Variants in EXTL3 observed in about 807,000 individuals in gnomAD.
EXTL3 encodes the protein exostosin-like 3.
In EXTL3, 27 loss-of-function variants were observed where a neutral mutation model predicts 69.3. The observed-to-expected ratio is 0.39, with a 90% CI of 0.29 to 0.54. The LOEUF (loss-of-function observed/expected upper bound fraction) is 0.54. EXTL3 is among the 20% of genes least tolerant of loss of function. The pLI is 0.69. For synonymous variants in EXTL3, 511 were observed against 499.4 expected (o/e 1.02, Z -0.31); for missense variants, 1,003 against 1,231.8 (o/e 0.81, Z 2.78).
chr8:28,610,238 T>TG (rs1491390272), intron 2 of EXTL3, among the ~76,000 whole-genome samples: 9 of 152,012 alleles, frequency 5.9e-5, no homozygotes, highest in South Asian at 2.1e-4. Flanking sequence ...TGTGTGTGTG[T>TG]TTGTGTATGC....
At chr8:28,679,106 A>G (rs970351615) in intron 1 of EXTL3, among the ~76,000 whole-genome samples, 1 of 152,200 alleles carries the variant, frequency 6.6e-6, no homozygotes, top group African/African-American at 2.4e-5. Flanking sequence ...GCACTGTTCT[A>G]TGCTCCAAAC....
At chr8:28,747,864 G>C (rs1379503053) in intron 6 of EXTL3, among the ~76,000 whole-genome samples, 2 of 151,834 alleles carry the variant, frequency 1.3e-5, no homozygotes, top group Non-Finnish European at 2.9e-5. Context: ...CAGCAGCTGG[G>C]ATTACAGGCA....
intron 6 of EXTL3, among the ~76,000 whole-genome samples, chr8:28,743,416 A>G (rs983231906): frequency 1.2e-4 from 19 of 152,238 alleles, no homozygotes; most frequent in Admixed American, 1.2e-3. Flanking sequence ...GGCAATGGAT[A>G]GAAATCAGAA....
At chr8:28,643,513 T>C (rs572119116) in intron 1 of EXTL3, among the ~76,000 whole-genome samples, 19 of 150,998 alleles carry the variant, frequency 1.3e-4, no homozygotes, top group African/African-American at 4.1e-4. Context: ...CTCCCGGGTT[T>C]ACGCCATTCT....
At chr8:28,633,108 G>A (rs934503846) in intron 1 of EXTL3, among the ~76,000 whole-genome samples, 3 of 152,132 alleles carry the variant, frequency 2.0e-5, no homozygotes, top group South Asian at 2.1e-4. Flanking sequence ...AGAGGCTGAG[G>A]CAGGAGGATC....
In EXTL3 at chr8:28,716,825, C is replaced by T; in HGVS notation, c.766C>T (p.Leu256=). 6.2e-7 allele frequency: 1 copy of T among 1,614,184 alleles called. No homozygotes were observed. Among genetic ancestry groups the T allele is most frequent in the African/African-American group, 1.3e-5 (1 of 75,030 alleles). ...GCCGGTGGTGCTGCGGCCTGCTGAG[C>T]TGGAGAAGCAGTTGTATTCCCTGCC... ...QEPVVLRPAE[L]EKQLYSLPHW... is the part of the protein sequence containing the mutation. Residue 256 remains leucine, a synonymous_variant, in exon 3 of 7, where the codon CTG becomes TTG. Transcript: ENST00000220562. The surrounding 1 kb of genome is among the most constrained non-coding windows in gnomAD (Gnocchi z 7.1).
At chr8:28,669,543 G>A (rs1425854500) in intron 1 of EXTL3, among the ~76,000 whole-genome samples, 3 of 152,208 alleles carry the variant, frequency 2.0e-5, no homozygotes, top group Non-Finnish European at 2.9e-5. Context: ...GAGAAGGGGT[G>A]TGTGTGTTGT....
At chr8:28,693,723 G>C (rs1160242964) in intron 1 of EXTL3, among the ~76,000 whole-genome samples, 4 of 152,178 alleles carry the variant, frequency 2.6e-5, no homozygotes, top group Non-Finnish European at 4.4e-5. Context: ...GACTTCTAGA[G>C]TGAGCCATTT....
At chr8:28,699,258 C>T (rs1302977439), upstream of EXTL3, among the ~76,000 whole-genome samples, 1 of 152,110 alleles carries the variant, frequency 6.6e-6, no homozygotes, top group Non-Finnish European at 1.5e-5. Context: ...CCAAGCTCTG[C>T]TGTAAAGGAC....
intron 1 of EXTL3, 121 bp from the exon 2 acceptor site, chr8:28,713,336 A>C (rs1187278550): frequency 1.4e-5 from 8 of 584,500 alleles, no homozygotes; most frequent in African/African-American, 3.8e-5. Context: ...TCATGTACAT[A>C]AGAGAAATCT....
chr8:28,713,832 G>A (rs1488919629), intron 2 of EXTL3, among the ~76,000 whole-genome samples: 1 of 151,558 alleles, frequency 6.6e-6, no homozygotes, highest in Non-Finnish European at 1.5e-5. Context: ...TGGACAAAGT[G>A]ACTCACACCA....
chr8:28,736,069 G>C (rs1801646676), intron 4 of EXTL3, among the ~76,000 whole-genome samples: 1 of 152,130 alleles, frequency 6.6e-6, no homozygotes, highest in South Asian at 2.1e-4. Context: ...TCTGGAGATG[G>C]ATGGCAGGGA....
Position 28,717,397 on chromosome 8 carries a change from G to T in EXTL3, c.1338G>T (p.Gly446=). ...PGDPRLVISS[G]CATRLFEALE... ...ACCCTCGCTTGGTTATTTCCTCTGG[G>T]TGTGCAACACGGCTCTTCGAAGCCC... The change falls in exon 3 of 7, where the codon GGG becomes GGT. Residue 446 remains glycine (G), a synonymous_variant. Transcript: ENST00000220562. The surrounding 1 kb of genome is among the most constrained non-coding windows in gnomAD (Gnocchi z 8.3). 1 of 1,614,192 alleles carries T rather than the reference G, an allele frequency of 6.2e-7. No homozygotes were observed. Among genetic ancestry groups the T allele is most frequent in the Non-Finnish European group, 8.5e-7 (1 of 1,180,038 alleles).
Position 28,616,264 on chromosome 8 carries a change from A to AT in EXTL3, n.314+8508dup, listed in dbSNP as rs1408694900. On this transcript the variant is annotated intron_variant and non_coding_transcript_variant, in intron 2 of 4. Transcript: ENST00000522725. ...AGGGAAATGGGGGAGGGGGTGAGGAATTAAGAGTCAGTAACTGAAGGAGGG... is the reference window on the plus strand; with the variant it reads ...AGGGAAATGGGGGAGGGGGTGAGGAATTTAAGAGTCAGTAACTGAAGGAGGG... Among the ~76,000 whole-genome samples the AT allele has an allele frequency of 5.9e-5, 9 of 151,942 alleles. No individual in the cohort carries two copies. The East Asian group carries it at 1.7e-3, about 30-fold the overall frequency.
At position 28,717,536 on chromosome 8, in the gene EXTL3, G is replaced by T. The variant is rs769679440; in HGVS notation, c.1477G>T (p.Val493Phe). Residue 493 changes from valine (V) to phenylalanine (F), a missense_variant, in exon 3 of 7, where the codon GTT becomes TTT. By Grantham distance (50) the Val-to-Phe change is conservative. Around this residue, in one of 2 missense-constraint regions of EXTL3, gnomAD observed 742 missense variants for 815.4 expected, o/e 0.91. Transcript: ENST00000220562. The surrounding 1 kb of genome is among the most constrained non-coding windows in gnomAD (Gnocchi z 8.3). ...GGTGCCAAAGCCTCGTGTTACCGAG[G>T]TTCATTTCCTGCTCAGAAGCCTCTC... ...LVVPKPRVTE[V>F]HFLLRSLSDS... The T allele has an allele frequency of 1.5e-5, 25 of 1,614,120 alleles. No homozygotes were observed. The Admixed American group carries it at 3.7e-4, about 24-fold the overall frequency.
At chr8:28,654,776 A>C (rs1490797061) in intron 1 of EXTL3, among the ~76,000 whole-genome samples, 1 of 152,080 alleles carries the variant, frequency 6.6e-6, no homozygotes, top group Non-Finnish European at 1.5e-5. Context: ...TCATACCCCA[A>C]TTTTGTTGTA....
chr8:28,725,130 A>G (rs1220539623), intron 3 of EXTL3, among the ~76,000 whole-genome samples: 1 of 152,058 alleles, frequency 6.6e-6, no homozygotes, highest in East Asian at 1.9e-4. Context: ...GTACGTATAT[A>G]TGTTTTGTTG....
chr8:28,718,220 C>T lies in EXTL3; in HGVS notation c.2148+13C>T, dbSNP rs114775959. The T allele has an allele frequency of 6.0e-4, 964 of 1,612,174 alleles. 9 individuals carry two copies. In the African/African-American group the frequency reaches 0.011, roughly 19 times the overall value. ...CGTCCCCATCATGGTAATAGAGAAACGAACAGTTCGTTTTGGTGCATGAAA... is the reference window on the plus strand; with the variant it reads ...CGTCCCCATCATGGTAATAGAGAAATGAACAGTTCGTTTTGGTGCATGAAA... On this transcript the variant is annotated intron_variant, in intron 3 of 6. Transcript: ENST00000220562.
intron 1 of EXTL3, among the ~76,000 whole-genome samples, chr8:28,663,931 C>A (rs1807155122): frequency 6.6e-6 from 1 of 152,190 alleles, no homozygotes; most frequent in Non-Finnish European, 1.5e-5. Flanking sequence ...CTCAGTTAGA[C>A]AGGCGTTACG....
Sources: allele counts gnomAD v4.1 joint callset (sites outside exome capture counted in the v4.1 genomes callset), GRCh38; gene constraint gnomAD v4.1.1; regional missense constraint gnomAD v4.1.1; non-coding constraint Gnocchi (gnomAD v3.1); transcripts MANE v1.5; gene names NCBI Gene and HGNC (gene_info 2026-07-23, HGNC 2026-07-21).